Variants in UBE3D observed in about 807,000 individuals in gnomAD.
UBE3D encodes ubiquitin protein ligase E3D.
Under a neutral mutation model 49.6 loss-of-function variants are expected in UBE3D, and 48 were observed. That is an observed-to-expected ratio of 0.97 (90% CI 0.77 to 1.23). The LOEUF (loss-of-function observed/expected upper bound fraction) is 1.23, where lower values mean the gene tolerates loss of function less well. Among genes scored for constraint, UBE3D ranks in the 50% most tolerant of loss-of-function variants. The pLI is 0.00. For synonymous variants in UBE3D, 189 were observed against 174.2 expected (o/e 1.08, Z -0.67); for missense variants, 452 against 468.4 (o/e 0.96, Z 0.32).
At chr6:83,065,556 C>A in intron 1 of UBE3D, 86 bp downstream of exon 1, 1 of 1,301,482 alleles carries the variant, frequency 7.7e-7, no homozygotes, top group East Asian at 2.5e-5. Context: ...CTCAAAATCC[C>A]TCGTACAGAG....
Position 83,025,374 on chromosome 6 carries a change from T to TA in UBE3D, c.668-1337dup, listed in dbSNP as rs1163696421. 2.6e-5 allele frequency among the ~76,000 whole-genome samples: 4 copies of TA among 151,948 alleles called. No homozygotes were observed. The East Asian group carries it at 7.7e-4, about 29-fold the overall frequency. ...TGTAAACACAATCATCTTGGAGTTC[T>TA]AAAAAAATCTAAGAAAAAGTTTAAT... On this transcript the variant is annotated intron_variant, in intron 5 of 9. Coordinates refer to ENST00000369747, the MANE Select transcript of UBE3D (RefSeq NM_198920.3).
Position 83,019,017 on chromosome 6 carries a change from AGCACTCCAG to A in UBE3D, c.957_965del (p.Trp320_Ala322del). The stretch of plus-strand genomic sequence containing the variant: ...TGCATGGCTGGTAGAGGACCTTGAC[AGCACTCCAG>A]GCAGAACTAGAATCGGCTTTGAATG... On this transcript the variant is annotated inframe_deletion, in exon 8 of 10. Coordinates refer to ENST00000369747, the MANE Select transcript of UBE3D (RefSeq NM_198920.3). The A allele has an allele frequency of 6.2e-7, 1 of 1,613,838 alleles. No homozygotes were observed. The highest frequency in any genetic ancestry group is 1.1e-5 in the South Asian group (1 of 91,004).
intron 9 of UBE3D, among the ~76,000 whole-genome samples, chr6:82,918,789 A>T (rs1014806420): frequency 6.6e-6 from 1 of 151,630 alleles, no homozygotes; most frequent in Non-Finnish European, 1.5e-5. Flanking sequence ...AGATCCAGAC[A>T]ATGAGAAGCC....
At chr6:82,901,900 T>G (rs1049249714) in intron 9 of UBE3D, among the ~76,000 whole-genome samples, 1 of 152,172 alleles carries the variant, frequency 6.6e-6, no homozygotes, top group African/African-American at 2.4e-5. Context: ...GGCTAATATC[T>G]CAAATTCAAA....
At chr6:82,997,458 G>T (rs774216397) in intron 8 of UBE3D, among the ~76,000 whole-genome samples, 2 of 152,174 alleles carry the variant, frequency 1.3e-5, no homozygotes, top group African/African-American at 2.4e-5. Context: ...AGTGGCTCAC[G>T]CCTGTAATCC....
chr6:82,941,084 T>C (rs1374177078), intron 9 of UBE3D, among the ~76,000 whole-genome samples: 1 of 152,032 alleles, frequency 6.6e-6, no homozygotes, highest in African/African-American at 2.4e-5. Context: ...GTGGCGTCTG[T>C]AATCTCAGCT....
chr6:83,007,171 ATTAGT>A (rs940166747), intron 8 of UBE3D, among the ~76,000 whole-genome samples: 2 of 152,172 alleles, frequency 1.3e-5, no homozygotes, highest in African/African-American at 4.8e-5. Flanking sequence ...AAGAAACCAA[ATTAGT>A]TTATAGTTTA....
At chr6:82,954,263 T>A (rs146376617) in intron 9 of UBE3D, among the ~76,000 whole-genome samples, 3 of 152,216 alleles carry the variant, frequency 2.0e-5, no homozygotes, top group Non-Finnish European at 4.4e-5. Context: ...CTTAGCAATA[T>A]GTCAGTGAAT....
chr6:82,886,494 G>A, the UBE3D span, among the ~76,000 whole-genome samples: 19 of 152,244 alleles, frequency 1.2e-4, no homozygotes, highest in African/African-American at 4.1e-4. Flanking sequence ...GGCTGGTACT[G>A]GTCCATAGCC....
intron 9 of UBE3D, among the ~76,000 whole-genome samples, chr6:82,953,054 G>T (rs1229834794): frequency 1.3e-5 from 2 of 152,198 alleles, no homozygotes; most frequent in African/African-American, 4.8e-5. Context: ...TTCAGGTTAA[G>T]AGCTGGTTGC....
chr6:82,990,171 T>G (rs763733485), intron 8 of UBE3D, among the ~76,000 whole-genome samples: 11 of 152,196 alleles, frequency 7.2e-5, no homozygotes, highest in Non-Finnish European at 1.6e-4. Flanking sequence ...GAATCCCTCA[T>G]GTGGCTGAAG....
intron 8 of UBE3D, among the ~76,000 whole-genome samples, chr6:82,980,125 T>C (rs1778014118): frequency 6.6e-6 from 1 of 152,164 alleles, no homozygotes. Flanking sequence ...GTGGGATTGC[T>C]AGATTGAATG....
intron 1 of UBE3D, among the ~76,000 whole-genome samples, chr6:83,058,319 G>A (rs1342841058): frequency 6.6e-6 from 1 of 152,150 alleles, no homozygotes; most frequent in Non-Finnish European, 1.5e-5. Context: ...GCAAAGTACT[G>A]TTATTTCATA....
intron 9 of UBE3D, among the ~76,000 whole-genome samples, chr6:82,896,479 T>C (rs1267143997): frequency 3.9e-5 from 6 of 152,178 alleles, no homozygotes; most frequent in African/African-American, 7.2e-5. Context: ...ACCTGAATAG[T>C]GACACTTGGA....
chr6:82,975,820 A>G (rs189238710), intron 8 of UBE3D, among the ~76,000 whole-genome samples: 2 of 152,316 alleles, frequency 1.3e-5, no homozygotes, highest in African/African-American at 2.4e-5. Flanking sequence ...AAGTTGCTAT[A>G]GATATTAAAA....
intron 8 of UBE3D, among the ~76,000 whole-genome samples, chr6:82,966,044 G>C (rs543293976): frequency 6.6e-6 from 1 of 152,218 alleles, no homozygotes; most frequent in Non-Finnish European, 1.5e-5. Flanking sequence ...TCTGTAGTTA[G>C]TGCTCAAATA....
intron 9 of UBE3D, among the ~76,000 whole-genome samples, chr6:82,946,325 A>G (rs530318412): frequency 6.6e-6 from 1 of 152,270 alleles, no homozygotes; most frequent in Admixed American, 6.5e-5. Flanking sequence ...TTCAGTGGAA[A>G]CCTTACAGGC....
intron 8 of UBE3D, among the ~76,000 whole-genome samples, chr6:82,991,002 G>A (rs1171420020): frequency 3.3e-5 from 5 of 152,130 alleles, no homozygotes; most frequent in African/African-American, 9.7e-5. Context: ...TCCACAGGCC[G>A]GATGGGGGAT....
At position 82,922,568 on chromosome 6, in the gene UBE3D, T is replaced by C. The variant is rs545463298; in HGVS notation, c.1150-29526A>G. Among the ~76,000 whole-genome samples the C allele has an allele frequency of 1.1e-4, 16 of 152,226 alleles. No homozygotes were observed. In the East Asian group the frequency reaches 2.7e-3, roughly 26 times the overall value. On this transcript the variant is annotated intron_variant, in intron 9 of 9. Transcript: ENST00000369747. ...AACTGGACCCCTTCCTTACACCTTA[T>C]ATAAAAATCAACTCAAGATGGATCA... is the stretch of plus-strand genomic sequence containing the variant.
Sources: allele counts gnomAD v4.1 joint callset (sites outside exome capture counted in the v4.1 genomes callset), GRCh38; gene constraint gnomAD v4.1.1; transcripts MANE v1.5; gene names NCBI Gene and HGNC (gene_info 2026-07-23, HGNC 2026-07-21).